Variants in FNIP2 observed in about 807,000 individuals in gnomAD.
FNIP2 encodes folliculin interacting protein 2.
FNIP2 carries 32 observed loss-of-function variants against 108.7 expected under a neutral mutation model. The ratio of observed to expected loss-of-function variants is 0.29; its 90% confidence interval spans 0.22 to 0.40. The LOEUF (loss-of-function observed/expected upper bound fraction) is 0.40, where lower values mean the gene tolerates loss of function less well. Ranked by LOEUF, FNIP2 falls within the 10% of genes least tolerant of loss-of-function variation. The pLI is 1.00. For missense variants in FNIP2, 1,202 were observed against 1,381.6 expected (o/e 0.87, Z 2.06); for synonymous variants, 480 against 496.7 (o/e 0.97, Z 0.45).
chr4:158,900,099 T>G (rs150936677), intron 16 of FNIP2, among the ~76,000 whole-genome samples: 44 of 152,350 alleles, frequency 2.9e-4, no homozygotes, highest in African/African-American at 1.1e-3. Context: ...CATTTCGTTA[T>G]GTACCCAGTA....
intron 7 of FNIP2, among the ~76,000 whole-genome samples, chr4:158,846,362 C>T (rs374766542): frequency 8.6e-5 from 13 of 151,844 alleles, no homozygotes; most frequent in African/African-American, 2.7e-4. Flanking sequence ...ATTCAGAATC[C>T]GCTAGCAGAT....
intron 16 of FNIP2, among the ~76,000 whole-genome samples, chr4:158,901,678 TGTTC>T (rs777437706): frequency 1.3e-5 from 2 of 151,968 alleles, no homozygotes; most frequent in African/African-American, 2.4e-5. Flanking sequence ...TTGGAGGCTT[TGTTC>T]GTTTGTTTTC....
intron 16 of FNIP2, among the ~76,000 whole-genome samples, chr4:158,904,118 A>C (rs927305932): frequency 1.8e-4 from 28 of 152,336 alleles, no homozygotes; most frequent in Admixed American, 2.6e-4. Context: ...ATGAGTTTAT[A>C]ATGGAGAATA....
chr4:158,782,386 A>C (rs1776080576), intron 1 of FNIP2, among the ~76,000 whole-genome samples: 1 of 150,872 alleles, frequency 6.6e-6, no homozygotes, highest in Non-Finnish European at 1.5e-5. Flanking sequence ...AAAAAACAAA[A>C]CTCTTACAAG....
intron 1 of FNIP2, among the ~76,000 whole-genome samples, chr4:158,786,079 T>C (rs2126438751): frequency 6.6e-6 from 1 of 152,318 alleles, no homozygotes; most frequent in South Asian, 2.1e-4. Context: ...TGAAAGATCT[T>C]ACTGTTTATT....
intron 14 of FNIP2, among the ~76,000 whole-genome samples, chr4:158,883,473 C>T (rs1781831395): frequency 1.3e-5 from 2 of 152,180 alleles, no homozygotes; most frequent in Admixed American, 1.3e-4. Context: ...GATCTCCTGA[C>T]CTTGTGATCC....
At chr4:158,788,580 CT>C (rs1205773017) in intron 1 of FNIP2, among the ~76,000 whole-genome samples, 4 of 152,206 alleles carry the variant, frequency 2.6e-5, no homozygotes, top group Non-Finnish European at 4.4e-5. Flanking sequence ...TTTATGGCAG[CT>C]TCTGGAGTTG....
At chr4:158,849,602 A>C (rs529181610) in intron 7 of FNIP2, among the ~76,000 whole-genome samples, 74 of 152,244 alleles carry the variant, frequency 4.9e-4, no homozygotes, top group African/African-American at 1.8e-3. Flanking sequence ...GCAGGACAGA[A>C]ACGTCTAATT....
intron 1 of FNIP2, among the ~76,000 whole-genome samples, chr4:158,804,822 T>A (rs1776886252): frequency 6.6e-6 from 1 of 152,216 alleles, no homozygotes; most frequent in African/African-American, 2.4e-5. Flanking sequence ...AGTTCTAAGC[T>A]CAAAATGTGT....
At chr4:158,878,885 A>AGT (rs2126735714) in intron 14 of FNIP2, among the ~76,000 whole-genome samples, 5 of 134,822 alleles carry the variant, frequency 3.7e-5, no homozygotes, top group Admixed American at 7.4e-5. Context: ...AACAACTTCT[A>AGT]AAATTGAAAA....
intron 1 of FNIP2, among the ~76,000 whole-genome samples, chr4:158,819,984 A>G (rs921608606): frequency 6.6e-6 from 1 of 152,228 alleles, no homozygotes; most frequent in Non-Finnish European, 1.5e-5. Context: ...GAGCAGGGTT[A>G]TGGTTTGCTC....
intron 5 of FNIP2, among the ~76,000 whole-genome samples, chr4:158,833,189 A>G (rs1778577820): frequency 6.6e-6 from 1 of 152,258 alleles, no homozygotes; most frequent in South Asian, 2.1e-4. Flanking sequence ...CAGTTGCTAA[A>G]GCAAAATGTA....
At chr4:158,897,997 CTTGAG>C (rs1782845626) in intron 16 of FNIP2, among the ~76,000 whole-genome samples, 1 of 152,156 alleles carries the variant, frequency 6.6e-6, no homozygotes, top group African/African-American at 2.4e-5. Context: ...TTTAATCCAT[CTTGAG>C]TTAATTTTTG....
At position 158,829,074 on chromosome 4, in the gene FNIP2, C is replaced by T; in HGVS notation, c.235-5C>T. The T allele has an allele frequency of 6.2e-7, 1 of 1,600,836 alleles. No individual in the cohort carries two copies. Among genetic ancestry groups the T allele is most frequent in the South Asian group, 1.1e-5 (1 of 88,566 alleles). On this transcript the variant is annotated splice_polypyrimidine_tract_variant and splice_region_variant and intron_variant, in intron 2 of 16. Coordinates refer to ENST00000264433, the MANE Select transcript of FNIP2 (RefSeq NM_020840.3). ...CTTTTACCTTGCCTGTCTCTCTTAA[C>T]CTAGAAAACAGAGGATGTTCCTATT...
chr4:158,836,388 T>C (rs1778799906), intron 7 of FNIP2: 1 of 152,168 alleles, frequency 6.6e-6, no homozygotes. Flanking sequence ...GAGTCTCCAG[T>C]TTGGTTTACA....
Position 158,769,313 on chromosome 4 carries a change from C to A in FNIP2, c.101C>A (p.Ala34Asp), listed in dbSNP as rs988029982. ...AQGRAPKEGP[A>D]FSWSCSEFDL... ...GGCAGGGCTCCTAAGGAAGGACCCG[C>A]CTTTAGGTGAGGGGGCGCCGGGGGG... is the stretch of plus-strand genomic sequence containing the variant. Residue 34 changes from alanine to aspartate, a missense_variant, in exon 1 of 17, where the codon GCC becomes GAC. By Grantham distance (126) the Ala-to-Asp change is moderately radical. This residue lies in a region of FNIP2 where 173 missense variants were observed against 165.9 expected (regional missense o/e 1.04). Coordinates refer to ENST00000264433, the MANE Select transcript of FNIP2 (RefSeq NM_020840.3). The A allele has an allele frequency of 6.6e-6, 10 of 1,503,964 alleles. No homozygotes were observed. Among genetic ancestry groups the A allele is most frequent in the Non-Finnish European group, 8.0e-6 (9 of 1,127,064 alleles). 93.2% of individuals were successfully genotyped at this position (1,503,964 alleles called of 1,614,324 possible).
Position 158,904,825 on chromosome 4 carries a change from C to G in FNIP2, c.*281C>G. ...TTTTTGGTAGGAGGAAACATAAGCACTAAACACTAAGCTGTTGCAACAGAT... is the reference window on the plus strand; with the variant it reads ...TTTTTGGTAGGAGGAAACATAAGCAGTAAACACTAAGCTGTTGCAACAGAT... On this transcript the variant is annotated 3_prime_UTR_variant, in exon 17 of 17. Coordinates refer to ENST00000264433, the MANE Select transcript of FNIP2 (RefSeq NM_020840.3). 2.6e-6 allele frequency: 1 copy of G among 384,248 alleles called. No individual in the cohort carries two copies. Among genetic ancestry groups the G allele is most frequent in the East Asian group, 5.0e-5 (1 of 20,068 alleles). 23.8% of individuals were successfully genotyped at this position (384,248 alleles called of 1,614,324 possible). A position where few individuals can be genotyped will look rare whatever the true frequency, so the allele number is the denominator to read the frequency against.
At chr4:158,827,952 T>C (rs1778248772) in intron 2 of FNIP2, among the ~76,000 whole-genome samples, 1 of 152,032 alleles carries the variant, frequency 6.6e-6, no homozygotes, top group Non-Finnish European at 1.5e-5. Flanking sequence ...TGCAATTGCA[T>C]TCATGTTTTT....
chr4:158,781,454 G>A (rs550350471), intron 1 of FNIP2, among the ~76,000 whole-genome samples: 1 of 148,770 alleles, frequency 6.7e-6, no homozygotes, highest in South Asian at 2.2e-4. Flanking sequence ...TAGATGGGGA[G>A]GGACCCCAGT....
Sources: gnomAD v4.1 joint callset for allele counts (sites outside exome capture counted in the v4.1 genomes callset) on GRCh38, gnomAD v4.1.1 for gene constraint, gnomAD v4.1.1 regional missense constraint, MANE v1.5 for transcripts, NCBI Gene and HGNC (gene_info 2026-07-23, HGNC 2026-07-21) for gene names.